The following TTC7B variants were observed in gnomAD, a reference collection of about 807,000 sequenced individuals.
The protein encoded by TTC7B is tetratricopeptide repeat domain 7B.
A neutral mutation model predicts 106.8 loss-of-function variants in TTC7B; 28 were observed. The ratio of observed to expected loss-of-function variants is 0.26; its 90% CI spans 0.19 to 0.36. The LOEUF (loss-of-function observed/expected upper bound fraction) is 0.36. TTC7B is among the 10% of genes least tolerant of loss of function. The probability of loss-of-function intolerance (pLI) is 1.00; values close to 1 mark genes in which losing one functional copy is unlikely to be tolerated. For synonymous variants in TTC7B, 405 were observed against 430.6 expected (o/e 0.94, Z 0.74); for missense variants, 862 against 1,076.4 (o/e 0.80, Z 2.79).
Position 90,541,338 on chromosome 14 carries a change from G to C in TTC7B, c.*30C>G. 6.4e-7 allele frequency: 1 copy of C among 1,570,058 alleles called. No individual in the cohort carries two copies. Among genetic ancestry groups the C allele is most frequent in the Non-Finnish European group, 8.7e-7 (1 of 1,154,068 alleles). On this transcript the variant is annotated 3_prime_UTR_variant, in exon 20 of 20. Coordinates refer to ENST00000328459, the MANE Select transcript of TTC7B (RefSeq NM_001010854.2). ...GTGCCCGGCAGGGCCTCTGAGGCCT[G>C]AGCGGCAGGTGAGGCTGGCAGGCGC...
intron 19 of TTC7B, among the ~76,000 whole-genome samples, chr14:90,563,449 T>TA (rs1216414428): frequency 6.6e-6 from 1 of 152,210 alleles, no homozygotes; most frequent in African/African-American, 2.4e-5. Context: ...ATCTTGTTGC[T>TA]AAAAAATGTT....
At chr14:90,728,886 T>C (rs575317743) in intron 5 of TTC7B, among the ~76,000 whole-genome samples, 1 of 152,364 alleles carries the variant, frequency 6.6e-6, no homozygotes, top group African/African-American at 2.4e-5. Flanking sequence ...GAAACATCAC[T>C]AGAAAAATAT....
chr14:90,664,513 C>T (rs1335143542), intron 9 of TTC7B, among the ~76,000 whole-genome samples: 1 of 152,140 alleles, frequency 6.6e-6, no homozygotes, highest in Non-Finnish European at 1.5e-5. Flanking sequence ...TCAGGCAATC[C>T]GCCCGCCTCG....
chr14:90,645,389 G>A (rs566863898), intron 14 of TTC7B, among the ~76,000 whole-genome samples: 79 of 152,336 alleles, frequency 5.2e-4, no homozygotes, highest in Non-Finnish European at 1.0e-3. Flanking sequence ...CAGGGAGGAA[G>A]CTGAAGTCCC....
intron 1 of TTC7B, among the ~76,000 whole-genome samples, chr14:90,804,894 G>A (rs946836272): frequency 6.6e-6 from 1 of 152,240 alleles, no homozygotes; most frequent in Admixed American, 6.5e-5. Context: ...ACCACAGAGG[G>A]GCGGTGGAGG....
chr14:90,621,061 TG>T (rs1392469811), intron 15 of TTC7B, among the ~76,000 whole-genome samples: 2 of 152,184 alleles, frequency 1.3e-5, no homozygotes, highest in Non-Finnish European at 2.9e-5. Context: ...TGACAGCTGC[TG>T]CCTAGGTACG....
chr14:90,647,221 C>T (rs1373713258), intron 13 of TTC7B, 198 bp from the exon 14 acceptor site: 4 of 564,046 alleles, frequency 7.1e-6, no homozygotes, highest in South Asian at 2.0e-5. Flanking sequence ...TATAAAGGTA[C>T]AGAATAGGAG....
intron 5 of TTC7B, among the ~76,000 whole-genome samples, chr14:90,718,549 C>T (rs186617408): frequency 1.3e-5 from 2 of 152,262 alleles, no homozygotes; most frequent in East Asian, 3.9e-4. Context: ...CCTAGGTGGT[C>T]GTAGTGTATC....
At chr14:90,790,310 A>G (rs1891541918) in intron 1 of TTC7B, among the ~76,000 whole-genome samples, 1 of 152,078 alleles carries the variant, frequency 6.6e-6, no homozygotes, top group Non-Finnish European at 1.5e-5. Flanking sequence ...AAAAAAAGTA[A>G]CTCTTCTTTA....
chr14:90,813,493 G>A (rs1430232585), intron 1 of TTC7B, among the ~76,000 whole-genome samples: 2 of 152,122 alleles, frequency 1.3e-5, no homozygotes, highest in Non-Finnish European at 2.9e-5. Context: ...GGCCCTGAGA[G>A]ACATTAGCTA....
intron 1 of TTC7B, among the ~76,000 whole-genome samples, chr14:90,789,766 G>A (rs2140044493): frequency 6.6e-6 from 1 of 151,932 alleles, no homozygotes; most frequent in South Asian, 2.1e-4. Flanking sequence ...CGTGGTGGTG[G>A]GTGTGTGTAG....
intron 17 of TTC7B, among the ~76,000 whole-genome samples, chr14:90,602,906 C>T (rs1892488785): frequency 6.6e-6 from 1 of 152,184 alleles, no homozygotes. Flanking sequence ...AATTTACTGG[C>T]CACCCGCCTT....
At chr14:90,775,033 A>C (rs1014325912) in intron 3 of TTC7B, among the ~76,000 whole-genome samples, 1 of 144,666 alleles carries the variant, frequency 6.9e-6, no homozygotes, top group African/African-American at 2.5e-5. Context: ...ACAAGAGTGA[A>C]ATTCTGTCTC....
chr14:90,565,336 G>T (rs1890745754), intron 19 of TTC7B, among the ~76,000 whole-genome samples: 2 of 151,480 alleles, frequency 1.3e-5, no homozygotes, highest in South Asian at 4.2e-4. Flanking sequence ...GGTGCAAGAG[G>T]CCTCACTTCT....
At chr14:90,801,022 A>C (rs1485885294) in intron 1 of TTC7B, among the ~76,000 whole-genome samples, 2 of 151,780 alleles carry the variant, frequency 1.3e-5, no homozygotes, top group Non-Finnish European at 2.9e-5. Flanking sequence ...AGACCTGTTA[A>C]CTGAGTTATG....
intron 16 of TTC7B, among the ~76,000 whole-genome samples, chr14:90,614,382 A>C (rs998574853): frequency 2.0e-5 from 3 of 152,252 alleles, no homozygotes; most frequent in African/African-American, 7.2e-5. Context: ...CTGAGGTTAG[A>C]GCAAAGAAAT....
In TTC7B at chr14:90,631,231, C is replaced by T. The variant is rs1046910224; in HGVS notation, c.1751+12817G>A. Among the ~76,000 whole-genome samples the T allele has an allele frequency of 3.3e-5, 5 of 152,198 alleles. 1 individual carries two copies. The Middle Eastern group carries it at 0.01, about 311-fold the overall frequency. On this transcript the variant is annotated intron_variant, in intron 15 of 19. Coordinates refer to ENST00000328459, the MANE Select transcript of TTC7B (RefSeq NM_001010854.2). ...TCATTGATAGGCACTTGGCTTGTTC[C>T]CACCTTTTGGCTATTGAGAATTATG...
rs982548057 is a variant in TTC7B at position 90,533,174 on chromosome 14, C to T, written c.*8194G>A. ...CGAGCCCTTGGGCCACAGGCACCGC[C>T]TCAGGCAGTGGCGGATGGGAGCCTC... On this transcript the variant is annotated 3_prime_UTR_variant, in exon 20 of 20. Transcript: ENST00000328459. 2.0e-5 allele frequency: 3 copies of T among 152,380 alleles called. No homozygotes were observed. The highest frequency in any genetic ancestry group is 4.4e-5 in the Non-Finnish European group (3 of 68,182). 9.4% of individuals were successfully genotyped at this position (152,380 alleles called of 1,614,324 possible).
chr14:90,686,693 C>T (rs1368296018), intron 7 of TTC7B, among the ~76,000 whole-genome samples: 1 of 151,958 alleles, frequency 6.6e-6, no homozygotes, highest in Non-Finnish European at 1.5e-5. Context: ...GTGAGCAATC[C>T]AAAAATGAAA....
Sources: gnomAD v4.1 joint callset for allele counts (sites outside exome capture counted in the v4.1 genomes callset) on GRCh38, gnomAD v4.1.1 for gene constraint, MANE v1.5 for transcripts, NCBI Gene and HGNC (gene_info 2026-07-23, HGNC 2026-07-21) for gene names.